The following MAML3 variants were observed in gnomAD, a reference collection of about 807,000 sequenced individuals.
MAML3 encodes mastermind like transcriptional coactivator 3.
MAML3 carries 27 observed loss-of-function variants against 101.9 expected under a neutral mutation model. That is an observed-to-expected ratio of 0.27 (90% CI 0.20 to 0.37). MAML3 has a LOEUF of 0.37. Among genes scored for constraint, MAML3 ranks in the 10% least tolerant of loss-of-function variants. The pLI, the probability that MAML3 is intolerant of heterozygous loss-of-function variation, is 1.00. For missense variants in MAML3, 1,316 were observed against 1,444.9 expected (o/e 0.91, Z 1.45); for synonymous variants, 501 against 555.9 (o/e 0.90, Z 1.39).
intron 1 of MAML3, among the ~76,000 whole-genome samples, chr4:140,130,593 AT>A (rs1176771897): frequency 6.6e-6 from 1 of 152,220 alleles, no homozygotes; most frequent in Non-Finnish European, 1.5e-5. Flanking sequence ...TCATTTAGAA[AT>A]TGCATTTTTA....
At chr4:139,732,595 CAGAT>C (rs1444444094) in intron 2 of MAML3, among the ~76,000 whole-genome samples, 4 of 147,616 alleles carry the variant, frequency 2.7e-5, no homozygotes, top group East Asian at 2.0e-4. Flanking sequence ...TTTTTTGTAA[CAGAT>C]AGCTTGTCTT....
intron 1 of MAML3, among the ~76,000 whole-genome samples, chr4:140,086,640 T>G (rs1259673473): frequency 6.6e-6 from 1 of 152,206 alleles, no homozygotes; most frequent in African/African-American, 2.4e-5. Flanking sequence ...GAATTCATCC[T>G]CCTACTCTCT....
intron 2 of MAML3, among the ~76,000 whole-genome samples, chr4:139,781,973 G>A (rs1221463933): frequency 1.3e-5 from 2 of 152,136 alleles, no homozygotes; most frequent in African/African-American, 4.8e-5. Context: ...TGGATGGAAG[G>A]GTTGCTGGAT....
At chr4:139,997,628 T>C (rs1404501126) in intron 1 of MAML3, among the ~76,000 whole-genome samples, 1 of 152,152 alleles carries the variant, frequency 6.6e-6, no homozygotes, top group African/African-American at 2.4e-5. Flanking sequence ...AACCCACATA[T>C]TTGCCATTTT....
intron 1 of MAML3, among the ~76,000 whole-genome samples, chr4:140,052,742 C>T (rs1302643552): frequency 1.3e-5 from 2 of 151,936 alleles, no homozygotes; most frequent in Non-Finnish European, 2.9e-5. Context: ...ACCATGTTGC[C>T]CAGGCTGGTC....
intron 3 of MAML3, among the ~76,000 whole-genome samples, chr4:139,728,065 A>G (rs1337586416): frequency 6.6e-6 from 1 of 152,108 alleles, no homozygotes; most frequent in Non-Finnish European, 1.5e-5. Flanking sequence ...AAATACAAAA[A>G]TTAGCCAGGC....
chr4:140,003,774 C>A (rs1198639581), intron 1 of MAML3, among the ~76,000 whole-genome samples: 2 of 152,186 alleles, frequency 1.3e-5, no homozygotes, highest in Admixed American at 6.5e-5. Context: ...TAGGAAACAT[C>A]CCAAAACATC....
chr4:139,814,224 A>T (rs1416573152), intron 2 of MAML3, among the ~76,000 whole-genome samples: 3 of 152,196 alleles, frequency 2.0e-5, no homozygotes, highest in Admixed American at 2.0e-4. Flanking sequence ...AACTGCAGAA[A>T]CACGTTATTT....
chr4:139,761,588 A>G (rs948975610), intron 2 of MAML3, among the ~76,000 whole-genome samples: 10 of 152,210 alleles, frequency 6.6e-5, no homozygotes, highest in Admixed American at 6.5e-5. Context: ...GCACAGATGC[A>G]TATTCATCCA....
intron 1 of MAML3, among the ~76,000 whole-genome samples, chr4:140,141,887 C>G (rs1323486862): frequency 6.6e-6 from 1 of 152,112 alleles, no homozygotes; most frequent in South Asian, 2.1e-4. Context: ...GAGATTTTCC[C>G]GCCAACTTTT....
At chr4:139,867,494 C>A (rs1047420446) in intron 2 of MAML3, among the ~76,000 whole-genome samples, 4 of 152,192 alleles carry the variant, frequency 2.6e-5, no homozygotes, top group African/African-American at 9.7e-5. Flanking sequence ...AAGCTCCTGA[C>A]AGTCACCATA....
chr4:140,069,342 GAGAAGGAGAAGGAGAAGGAGAAGA>G (rs1560883431), intron 1 of MAML3, among the ~76,000 whole-genome samples: 1 of 114,010 alleles, frequency 8.8e-6, no homozygotes, highest in Non-Finnish European at 1.9e-5. Context: ...GAAGGAGAAG[GAGAAGGAGAAGGAGAAGGAGAAGA>G]AGAAGAAGAA....
At chr4:139,783,118 G>A (rs1455428960) in intron 2 of MAML3, among the ~76,000 whole-genome samples, 1 of 152,202 alleles carries the variant, frequency 6.6e-6, no homozygotes, top group Non-Finnish European at 1.5e-5. Flanking sequence ...GCCTCGCTAA[G>A]TACAGGGGCC....
intron 2 of MAML3, among the ~76,000 whole-genome samples, chr4:139,799,963 AC>A (rs1196372340): frequency 2.0e-5 from 3 of 152,166 alleles, no homozygotes; most frequent in African/African-American, 7.2e-5. Context: ...GGAATATGAG[AC>A]AAAATATTTA....
intron 2 of MAML3, chr4:139,731,386 A>G: frequency 7.2e-6 from 1 of 138,800 alleles, no homozygotes; most frequent in East Asian, 2.2e-4. Context: ...GTGGATCACG[A>G]GGTCAGTTCG....
chr4:140,106,816 T>G (rs1291887869), intron 1 of MAML3, among the ~76,000 whole-genome samples: 1 of 152,218 alleles, frequency 6.6e-6, no homozygotes, highest in Non-Finnish European at 1.5e-5. Context: ...AATCCTGAGA[T>G]TAATTCTGGA....
chr4:139,999,485 C>T (rs936998163), intron 1 of MAML3, among the ~76,000 whole-genome samples: 20 of 152,276 alleles, frequency 1.3e-4, no homozygotes, highest in Admixed American at 6.5e-4. Context: ...CCCCGATTGT[C>T]GTATGCCTTA....
intron 2 of MAML3, among the ~76,000 whole-genome samples, chr4:139,886,779 C>T (rs1028207379): frequency 6.6e-6 from 1 of 152,106 alleles, no homozygotes; most frequent in African/African-American, 2.4e-5. Flanking sequence ...AATGCAATTA[C>T]TAGATAAAAC....
intron 1 of MAML3, among the ~76,000 whole-genome samples, chr4:139,924,347 C>CT (rs1366402759): frequency 6.6e-6 from 1 of 152,146 alleles, no homozygotes; most frequent in Non-Finnish European, 1.5e-5. Flanking sequence ...CTTTTAATTG[C>CT]TTTTTTGTGT....
Sources: allele counts gnomAD v4.1 joint callset (sites outside exome capture counted in the v4.1 genomes callset), GRCh38; gene constraint gnomAD v4.1.1; transcripts MANE v1.5; gene names NCBI Gene and HGNC (gene_info 2026-07-23, HGNC 2026-07-21).